CLASP1: variants seen among roughly 807,000 people sequenced by gnomAD.
CLASP1 encodes the protein cytoplasmic linker associated protein 1, also known as CLIP-associating protein 1.
CLASP1 carries 38 observed loss-of-function variants against 192.3 expected under a neutral mutation model. The observed-to-expected ratio is 0.20, with a 90% CI of 0.15 to 0.26. The LOEUF (loss-of-function observed/expected upper bound fraction) is 0.26, where lower values mean the gene tolerates loss of function less well. CLASP1 is among the 10% of genes least tolerant of loss of function. CLASP1 has a pLI of 1.00. For synonymous variants in CLASP1, 691 were observed against 712.8 expected (o/e 0.97, Z 0.49); for missense variants, 1,433 against 1,932.5 (o/e 0.74, Z 4.85).
At chr2:121,626,721 G>A (rs1003947084) in intron 1 of CLASP1, among the ~76,000 whole-genome samples, 124 of 152,190 alleles carry the variant, frequency 8.1e-4, no homozygotes, top group Non-Finnish European at 1.9e-4. Flanking sequence ...CACCGCACCT[G>A]GCCAGAACCA....
At position 121,483,532 on chromosome 2, in the gene CLASP1, ATATG is replaced by A. The variant is rs559833252; in HGVS notation, c.713-13576_713-13573del. On this transcript the variant is annotated intron_variant, in intron 8 of 39. Transcript: ENST00000263710. ...TGTATGTATATATGTGTGTGTATATATATGTATGTATATATGTGTGTGTATATAT... is the reference window on the plus strand; with the variant it reads ...TGTATGTATATATGTGTGTGTATATATATGTATATATGTGTGTGTATATAT... Among the ~76,000 whole-genome samples the A allele has an allele frequency of 2.1e-3, 314 of 151,482 alleles. 1 individual carries two copies. The highest frequency in any genetic ancestry group is 6.1e-3 in the African/African-American group (250 of 41,162).
chr2:121,583,592 T>C (rs1294273097), intron 2 of CLASP1, among the ~76,000 whole-genome samples: 1 of 152,248 alleles, frequency 6.6e-6, no homozygotes, highest in Admixed American at 6.5e-5. Flanking sequence ...CACTCTTGAC[T>C]TCACTCAAGC....
intron 2 of CLASP1, among the ~76,000 whole-genome samples, chr2:121,576,579 C>A (rs1470599190): frequency 6.6e-6 from 1 of 152,150 alleles, no homozygotes; most frequent in Non-Finnish European, 1.5e-5. Flanking sequence ...GGAATTGGCC[C>A]TTTCAGATTA....
chr2:121,463,556 A>T (rs1264127251), intron 9 of CLASP1, among the ~76,000 whole-genome samples: 1 of 152,184 alleles, frequency 6.6e-6, no homozygotes, highest in East Asian at 1.9e-4. Flanking sequence ...CCCATTGAGC[A>T]GATAGGCCCT....
chr2:121,427,333 A>T (rs1476521475), intron 21 of CLASP1, 71 bp downstream of exon 21: 14 of 1,539,960 alleles, frequency 9.1e-6, no homozygotes, highest in Non-Finnish European at 1.2e-5. Flanking sequence ...AATATTGTGC[A>T]AGGAACATGG....
intron 13 of CLASP1, 121 bp downstream of exon 13, chr2:121,458,719 A>G: frequency 5.4e-6 from 4 of 745,224 alleles, no homozygotes; most frequent in South Asian, 3.3e-5. Context: ...AAATTCCAAT[A>G]TAATTATGCT....
chr2:121,361,601 G>T (rs566172866), intron 37 of CLASP1, among the ~76,000 whole-genome samples: 23 of 150,974 alleles, frequency 1.5e-4, no homozygotes, highest in African/African-American at 4.9e-4. Flanking sequence ...ATTTTTTGTG[G>T]TTTTTTTTTA....
At chr2:121,589,159 C>T (rs1254462888) in intron 2 of CLASP1, among the ~76,000 whole-genome samples, 1 of 152,208 alleles carries the variant, frequency 6.6e-6, no homozygotes, top group African/African-American at 2.4e-5. Context: ...GTGATCTCAA[C>T]CACCACGCTG....
intron 32 of CLASP1, among the ~76,000 whole-genome samples, chr2:121,384,005 TATAC>T (rs1240741389): frequency 0.011 from 1,468 of 137,932 alleles, 24 homozygotes; most frequent in African/African-American, 0.028. Flanking sequence ...TATATATATA[TATAC>T]ACACACACAC....
chr2:121,360,002 C>G (rs1420207418), intron 37 of CLASP1, among the ~76,000 whole-genome samples: 2 of 152,236 alleles, frequency 1.3e-5, no homozygotes, highest in African/African-American at 2.4e-5. Flanking sequence ...TCAGTCCTAT[C>G]TCATCCATCT....
chr2:121,425,187 T>C, exon 22 of CLASP1: 1 of 1,612,792 alleles, frequency 6.2e-7, no homozygotes, highest in Non-Finnish European at 8.5e-7. Context: ...CCCTGGCTCC[T>C]GGGAATCTTG....
At chr2:121,606,711 G>A (rs1321688298) in intron 1 of CLASP1, among the ~76,000 whole-genome samples, 2 of 152,312 alleles carry the variant, frequency 1.3e-5, no homozygotes, top group Admixed American at 1.3e-4. Flanking sequence ...TTACAATGGA[G>A]TAAGTGGTAG....
At chr2:121,644,715 G>A (rs1249169726) in intron 1 of CLASP1, among the ~76,000 whole-genome samples, 1 of 152,100 alleles carries the variant, frequency 6.6e-6, no homozygotes, top group Non-Finnish European at 1.5e-5. Context: ...GGCCAAGGCA[G>A]GAGGATCACT....
chr2:121,443,975 ATG>A (rs1201298479), intron 19 of CLASP1, among the ~76,000 whole-genome samples: 1 of 152,190 alleles, frequency 6.6e-6, no homozygotes, highest in Non-Finnish European at 1.5e-5. Flanking sequence ...TAAATAATAT[ATG>A]AAAATGAACT....
chr2:121,576,666 T>C (rs559411069), intron 2 of CLASP1, among the ~76,000 whole-genome samples: 47 of 152,264 alleles, frequency 3.1e-4, no homozygotes, highest in African/African-American at 1.1e-3. Context: ...TCAAATGAAA[T>C]GGAACACCAA....
intron 22 of CLASP1, among the ~76,000 whole-genome samples, chr2:121,421,053 C>T (rs2079414098): frequency 1.3e-5 from 2 of 152,044 alleles, no homozygotes; most frequent in African/African-American, 2.4e-5. Flanking sequence ...ACTAATTGTC[C>T]GTTTATGATT....
intron 37 of CLASP1, among the ~76,000 whole-genome samples, chr2:121,361,519 C>G (rs2066405195): frequency 6.6e-6 from 1 of 152,192 alleles, no homozygotes; most frequent in African/African-American, 2.4e-5. Context: ...CAAGCTTGTC[C>G]AACCCGTGGC....
chr2:121,629,678 G>A (rs574815439), intron 1 of CLASP1, among the ~76,000 whole-genome samples: 3 of 151,722 alleles, frequency 2.0e-5, no homozygotes, highest in East Asian at 2.0e-4. Flanking sequence ...GTAATCCCAC[G>A]TACTTGAGAG....
Position 121,447,289 on chromosome 2 carries a change from C to T in CLASP1, c.1912+48G>A, listed in dbSNP as rs1397833412. 3 of 1,514,338 alleles carry T rather than the reference C, an allele frequency of 2.0e-6. No individual in the cohort carries two copies. The African/African-American group carries it at 4.1e-5, about 21-fold the overall frequency. The allele number at this position is 1,514,338 out of a possible 1,614,324, so 93.8% of individuals were successfully genotyped here. On this transcript the variant is annotated intron_variant, in intron 19 of 39. Transcript: ENST00000263710. ...ATTTTGCTAAGAGGTTAAGAGTCAT[C>T]TCTTGCAGAGCAGTGCAGGAGGGAA...
Sources: allele counts gnomAD v4.1 joint callset (sites outside exome capture counted in the v4.1 genomes callset), GRCh38; gene constraint gnomAD v4.1.1; transcripts MANE v1.5; gene names NCBI Gene and HGNC (gene_info 2026-07-23, HGNC 2026-07-21).